The following STARD13 variants were observed in gnomAD, a reference collection of about 807,000 sequenced individuals.
The protein encoded by STARD13 is stAR-related lipid transfer protein 13.
STARD13 carries 62 observed loss-of-function variants against 106.4 expected under a neutral mutation model. The ratio of observed to expected loss-of-function variants is 0.58; its 90% CI spans 0.48 to 0.72. The LOEUF is 0.72. STARD13 is among the 30% of genes least tolerant of loss of function. The pLI is 0.00. For synonymous variants in STARD13, 565 were observed against 553.0 expected (o/e 1.02, Z -0.31); for missense variants, 1,387 against 1,424.0 (o/e 0.97, Z 0.42).
chr13:33,202,623 A>G (rs1464576747), intron 1 of STARD13, among the ~76,000 whole-genome samples: 2 of 152,248 alleles, frequency 1.3e-5, no homozygotes, highest in Non-Finnish European at 2.9e-5. Flanking sequence ...GTTTGGAACC[A>G]TGAATGAAGA....
chr13:33,429,397 C>G, the STARD13 span, among the ~76,000 whole-genome samples: 7 of 152,202 alleles, frequency 4.6e-5, no homozygotes, highest in African/African-American at 1.7e-4. Context: ...CAGATTGAGA[C>G]CATCCTGGCT....
At chr13:33,352,841 C>T (rs143374010), upstream of STARD13, among the ~76,000 whole-genome samples, 11 of 152,200 alleles carry the variant, frequency 7.2e-5, no homozygotes, top group South Asian at 2.1e-4. Flanking sequence ...GTACAGCATC[C>T]GCTCTCATTC....
chr13:33,458,739 C>A, the STARD13 span, among the ~76,000 whole-genome samples: 3 of 151,002 alleles, frequency 2.0e-5, no homozygotes, highest in East Asian at 5.8e-4. Context: ...TTGCTACTGA[C>A]AAATGTGTCC....
At chr13:33,502,248 T>C in the STARD13 span, among the ~76,000 whole-genome samples, 1 of 152,230 alleles carries the variant, frequency 6.6e-6, no homozygotes, top group African/African-American at 2.4e-5. Flanking sequence ...TCTTGAGACT[T>C]TGCTGAAGTT....
the STARD13 span, among the ~76,000 whole-genome samples, chr13:33,479,684 G>A: frequency 4.6e-5 from 7 of 152,300 alleles, no homozygotes; most frequent in South Asian, 6.2e-4. Context: ...CAGTGTTGGA[G>A]GTGGCATCTG....
the STARD13 span, among the ~76,000 whole-genome samples, chr13:33,402,313 T>C: frequency 6.6e-6 from 1 of 152,252 alleles, no homozygotes; most frequent in African/African-American, 2.4e-5. Flanking sequence ...ACAAGCTGTG[T>C]AGTTCTTCTG....
the STARD13 span, among the ~76,000 whole-genome samples, chr13:33,536,696 C>T: frequency 2.0e-5 from 3 of 152,146 alleles, no homozygotes; most frequent in Admixed American, 6.5e-5. Context: ...CCTCTTTTAA[C>T]GAACACTCAA....
chr13:33,386,477 T>A, the STARD13 span, among the ~76,000 whole-genome samples: 1 of 152,086 alleles, frequency 6.6e-6, no homozygotes, highest in East Asian at 1.9e-4. Flanking sequence ...GGAGGGCACA[T>A]TGCTGGGGTT....
intron 1 of STARD13, among the ~76,000 whole-genome samples, chr13:33,299,952 T>C (rs551307290): frequency 4.7e-4 from 71 of 152,334 alleles, no homozygotes; most frequent in Non-Finnish European, 9.0e-4. Flanking sequence ...TATATTCACT[T>C]TTCTAGAACA....
the STARD13 span, among the ~76,000 whole-genome samples, chr13:33,452,789 A>G: frequency 2.6e-5 from 4 of 152,244 alleles, no homozygotes; most frequent in African/African-American, 4.8e-5. Context: ...GGCACCTGAT[A>G]TGCTAAATCT....
At chr13:33,514,944 A>T in the STARD13 span, among the ~76,000 whole-genome samples, 38 of 152,218 alleles carry the variant, frequency 2.5e-4, no homozygotes, top group Admixed American at 3.9e-4. Flanking sequence ...GAGTGTGAAT[A>T]AATGGGAGTG....
chr13:33,512,811 G>A, the STARD13 span, among the ~76,000 whole-genome samples: 1 of 152,062 alleles, frequency 6.6e-6, no homozygotes, highest in Admixed American at 6.6e-5. Context: ...GTTCTTGAAA[G>A]CTCAGATTGC....
At chr13:33,294,439 C>A (rs1205202286) in intron 1 of STARD13, among the ~76,000 whole-genome samples, 2 of 152,172 alleles carry the variant, frequency 1.3e-5, no homozygotes, top group Non-Finnish European at 2.9e-5. Context: ...TCTGATGGGC[C>A]AGTCTTGCTA....
the STARD13 span, chr13:33,654,878 C>A: frequency 6.6e-6 from 1 of 152,260 alleles, no homozygotes; most frequent in Admixed American, 6.5e-5. Context: ...ACTCCAGCCT[C>A]AGACTTAGCT....
At chr13:33,641,854 A>T in the STARD13 span, among the ~76,000 whole-genome samples, 5 of 152,308 alleles carry the variant, frequency 3.3e-5, no homozygotes, top group South Asian at 4.1e-4. Context: ...GTCCCATACA[A>T]ACTACTGGAA....
the STARD13 span, among the ~76,000 whole-genome samples, chr13:33,533,875 C>T: frequency 2.0e-5 from 3 of 152,340 alleles, no homozygotes; most frequent in African/African-American, 7.2e-5. Context: ...CTCTTCTCTG[C>T]TCTCACAGCA....
the STARD13 span, among the ~76,000 whole-genome samples, chr13:33,578,214 C>T: frequency 6.6e-6 from 1 of 152,034 alleles, no homozygotes; most frequent in Non-Finnish European, 1.5e-5. Context: ...AGCAAAAGAA[C>T]AAATCTGGAG....
At chr13:33,248,196 T>C (rs1045500569) in intron 1 of STARD13, among the ~76,000 whole-genome samples, 1 of 151,932 alleles carries the variant, frequency 6.6e-6, no homozygotes, top group African/African-American at 2.4e-5. Flanking sequence ...GTCCAGGAGT[T>C]CAAGACCAGC....
upstream of STARD13, chr13:33,350,640 G>C (rs897916743): frequency 7.5e-7 from 1 of 1,334,574 alleles, no homozygotes; most frequent in Non-Finnish European, 9.6e-7. Context: ...TAACCTCTGC[G>C]CTCGCCAACT....
Sources: gnomAD v4.1 joint callset for allele counts (sites outside exome capture counted in the v4.1 genomes callset) on GRCh38, gnomAD v4.1.1 for gene constraint, MANE v1.5 for transcripts, NCBI Gene and HGNC (gene_info 2026-07-23, HGNC 2026-07-21) for gene names.